The following ZEB2 variants were observed in gnomAD, a reference collection of about 807,000 sequenced individuals.
ZEB2 encodes the protein zinc finger E-box binding homeobox 2, also known as zinc finger E-box-binding homeobox 2.
In ZEB2, 6 loss-of-function variants were observed where a neutral mutation model predicts 99.9. The ratio of observed to expected loss-of-function variants is 0.06; its 90% CI spans 0.03 to 0.12. The LOEUF is 0.12. ZEB2 is among the 10% of genes least tolerant of loss of function. The pLI is 1.00. For missense variants in ZEB2, 969 were observed against 1,502.8 expected, an observed-to-expected ratio of 0.64 and a Z score of 5.87; for synonymous variants, 517 against 542.5, an observed-to-expected ratio of 0.95 and a Z score of 0.65.
chr2:144,425,079 T>C, intron 3 of ZEB2: 3 of 566,692 alleles, frequency 5.3e-6, no homozygotes, highest in Non-Finnish European at 3.1e-6. Flanking sequence ...TACTGCAAGC[T>C]GTGAAAAACA....
intron 2 of ZEB2, among the ~76,000 whole-genome samples, chr2:144,455,460 T>C (rs1359187668): frequency 1.3e-5 from 2 of 152,194 alleles, no homozygotes; most frequent in South Asian, 2.1e-4. Context: ...TAAGAGTTGA[T>C]TTTATAACCA....
intron 4 of ZEB2, among the ~76,000 whole-genome samples, chr2:144,418,187 T>C (rs554684255): frequency 6.6e-6 from 1 of 152,104 alleles, no homozygotes; most frequent in Non-Finnish European, 1.5e-5. Flanking sequence ...AATGCCAGAG[T>C]ACTGAAAATA....
intron 2 of ZEB2, chr2:144,494,771 G>C (rs1441325754): frequency 2.6e-5 from 4 of 152,070 alleles, no homozygotes; most frequent in Non-Finnish European, 4.4e-5. Flanking sequence ...ACGTAATCCT[G>C]TTACCTGTGA....
chr2:144,468,574 C>A (rs566655548), intron 2 of ZEB2, among the ~76,000 whole-genome samples: 1 of 152,044 alleles, frequency 6.6e-6, no homozygotes, highest in African/African-American at 2.4e-5. Flanking sequence ...TGCTTTGATT[C>A]TTGAAGGGGT....
intron 2 of ZEB2, among the ~76,000 whole-genome samples, chr2:144,488,912 T>C (rs1021458546): frequency 1.3e-5 from 2 of 152,188 alleles, no homozygotes; most frequent in African/African-American, 4.8e-5. Context: ...CCAGCATGGT[T>C]GACTAAAAGC....
At chr2:144,438,674 T>A (rs777600506) in intron 2 of ZEB2, among the ~76,000 whole-genome samples, 2 of 152,196 alleles carry the variant, frequency 1.3e-5, no homozygotes, top group Admixed American at 6.5e-5. Context: ...ACCAGATTTA[T>A]CTTTGAAATC....
chr2:144,445,308 G>GT (rs1703968610), intron 2 of ZEB2, among the ~76,000 whole-genome samples: 1 of 127,182 alleles, frequency 7.9e-6, no homozygotes, highest in Non-Finnish European at 1.6e-5. Context: ...ATGAAAGTGA[G>GT]TAAGTGTGAA....
Position 144,389,011 on chromosome 2 carries a change from G to A in ZEB2, c.*440C>T, listed in dbSNP as rs150808707. 150 of 391,970 alleles carry A rather than the reference G, an allele frequency of 3.8e-4. 1 individual carries two copies. Among genetic ancestry groups the A allele is most frequent in the African/African-American group, 2.8e-3 (131 of 47,376 alleles). 24.3% of individuals were successfully genotyped at this position (391,970 alleles called of 1,614,324 possible). ...TCATAATACTGATGCATTGTAGTGC[G>A]AGCACATTAAATTAAAAAGGAATAA... On this transcript the variant is annotated 3_prime_UTR_variant, in exon 10 of 10. Transcript: ENST00000627532. The surrounding 1 kb of genome is among the most constrained non-coding windows in gnomAD (Gnocchi z 6.8).
intron 6 of ZEB2, among the ~76,000 whole-genome samples, chr2:144,403,664 A>G (rs1194515491): frequency 2.6e-5 from 4 of 152,208 alleles, no homozygotes; most frequent in African/African-American, 9.6e-5. Context: ...AATGAAACTA[A>G]AGTCAAGTTA....
chr2:144,446,415 A>G (rs1703985269), intron 2 of ZEB2, among the ~76,000 whole-genome samples: 1 of 143,758 alleles, frequency 7.0e-6, no homozygotes, highest in African/African-American at 2.6e-5. Flanking sequence ...TTCCCTCTCC[A>G]CATCCCCTCT....
At chr2:144,428,430 G>GT (rs1560620124) in intron 3 of ZEB2, 1 of 152,038 alleles carries the variant, frequency 6.6e-6, no homozygotes, top group East Asian at 1.9e-4. Context: ...CTAATTAAAC[G>GT]TATTTATCTT....
At chr2:144,409,042 C>T (rs59540391) in intron 4 of ZEB2, among the ~76,000 whole-genome samples, 9,410 of 152,128 alleles carry the variant, frequency 0.062, 685 homozygotes, top group African/African-American at 0.17. Flanking sequence ...ATAAAGCAGA[C>T]ATACAGAGAA....
At position 144,416,539 on chromosome 2, in the gene ZEB2, T is replaced by C. The variant is rs375017448; in HGVS notation, c.403+8257A>G. 6.6e-5 allele frequency among the ~76,000 whole-genome samples: 10 copies of C among 152,300 alleles called. No individual in the cohort carries two copies. The East Asian group carries it at 1.9e-3, about 29-fold the overall frequency. On this transcript the variant is annotated intron_variant, in intron 4 of 9. Coordinates refer to ENST00000627532, the MANE Select transcript of ZEB2 (RefSeq NM_014795.4). ...TCTTTTTCCTATTGACTTCAAAGAG[T>C]GCAACCCATACAGTGTGTATTCCTT...
At chr2:144,402,737 A>C (rs987604664) in intron 6 of ZEB2, among the ~76,000 whole-genome samples, 1 of 152,160 alleles carries the variant, frequency 6.6e-6, no homozygotes, top group African/African-American at 2.4e-5. Flanking sequence ...GTTTTTGTGC[A>C]TATAAGCAAG....
At chr2:144,432,806 TC>T (rs1319724056) in intron 2 of ZEB2, among the ~76,000 whole-genome samples, 4 of 152,126 alleles carry the variant, frequency 2.6e-5, no homozygotes, top group African/African-American at 7.2e-5. Context: ...GCAGAAGAGA[TC>T]TTAATAATGT....
intron 4 of ZEB2, among the ~76,000 whole-genome samples, chr2:144,421,688 T>A (rs1703620650): frequency 6.6e-6 from 1 of 151,876 alleles, no homozygotes; most frequent in Non-Finnish European, 1.5e-5. Context: ...AAAATCTTTG[T>A]TGATTTTCCT....
At position 144,429,589 on chromosome 2, in the gene ZEB2, A is replaced by C. The variant is rs984513308; in HGVS notation, c.331+180T>G. 2.0e-5 allele frequency: 19 copies of C among 944,158 alleles called. No individual in the cohort carries two copies. The East Asian group carries it at 4.7e-4, about 24-fold the overall frequency. The allele number at this position is 944,158 out of a possible 1,614,324, so 58.5% of individuals were successfully genotyped here. A position where few individuals can be genotyped will look rare whatever the true frequency, so the allele number is the denominator to read the frequency against. ...TCCCTTCCTAAGATGTAACTGCCGC[A>C]ATGTGATAACATTACTATCACTTCA... On this transcript the variant is annotated intron_variant, in intron 3 of 9. Transcript: ENST00000627532.
Position 144,386,954 on chromosome 2 carries a change from T to G in ZEB2, c.*2497A>C, listed in dbSNP as rs1291636309. 1 of 135,076 alleles carries G rather than the reference T, an allele frequency of 7.4e-6. No homozygotes were observed. Among genetic ancestry groups the G allele is most frequent in the Non-Finnish European group, 1.6e-5 (1 of 63,898 alleles). The allele number at this position is 135,076 out of a possible 1,614,324, so 8.4% of individuals were successfully genotyped here. ...CCCCCACCCCCTCTGCCAGAAAGTTTGAAGATAGAGCTAAAAACATGTTTT... is the reference window on the plus strand; with the variant it reads ...CCCCCACCCCCTCTGCCAGAAAGTTGGAAGATAGAGCTAAAAACATGTTTT... On this transcript the variant is annotated 3_prime_UTR_variant, in exon 10 of 10. Coordinates refer to ENST00000627532, the MANE Select transcript of ZEB2 (RefSeq NM_014795.4).
rs749885926 is a variant in ZEB2 at position 144,399,914 on chromosome 2, G to A, written c.1273C>T (p.Pro425Ser). Residue 425 changes from proline (P) to serine (S), a missense_variant, in exon 8 of 10, where the codon CCT becomes TCT. Transcript: ENST00000627532. The surrounding 1 kb of genome is among the most constrained non-coding windows in gnomAD (Gnocchi z 5.6). ...FMNGGLGATS[P>S]LGVHPSAQSP... The stretch of plus-strand genomic sequence containing the variant: ...TGAGCAGATGGATGAACTCCTAAAG[G>A]GCTGGTGGCTCCAAGCCCACCATTC... 3 of 1,614,158 alleles carry A rather than the reference G, an allele frequency of 1.9e-6. No homozygotes were observed. In the Admixed American group the frequency reaches 5.0e-5, roughly 27 times the overall value.
Sources: allele counts gnomAD v4.1 joint callset (sites outside exome capture counted in the v4.1 genomes callset), GRCh38; gene constraint gnomAD v4.1.1; non-coding constraint Gnocchi (gnomAD v3.1); transcripts MANE v1.5; gene names NCBI Gene and HGNC (gene_info 2026-07-23, HGNC 2026-07-21).